The following LPAR1 variants were observed in gnomAD, a reference collection of about 807,000 sequenced individuals.
LPAR1 encodes lysophosphatidic acid receptor 1.
In LPAR1, 5 loss-of-function variants were observed where a neutral mutation model predicts 23.8. The observed-to-expected ratio is 0.21, with a 90% confidence interval of 0.11 to 0.44. LPAR1 has a LOEUF of 0.44. LPAR1 is among the 20% of genes least tolerant of loss of function. The pLI is 0.99. For synonymous variants in LPAR1, 160 were observed against 164.7 expected (o/e 0.97, Z 0.22); for missense variants, 311 against 482.8 (o/e 0.64, Z 3.33).
At chr9:110,888,331 A>C (rs2082977773) in intron 5 of LPAR1, among the ~76,000 whole-genome samples, 2 of 152,160 alleles carry the variant, frequency 1.3e-5, no homozygotes, top group Admixed American at 1.3e-4. Context: ...CAGAACTTAA[A>C]ATTCTTGCAA....
chr9:110,920,820 T>C (rs2093574549), intron 5 of LPAR1, among the ~76,000 whole-genome samples: 1 of 152,190 alleles, frequency 6.6e-6, no homozygotes, highest in African/African-American at 2.4e-5. Context: ...AAAGATATTG[T>C]AGTATATATA....
intron 2 of LPAR1, among the ~76,000 whole-genome samples, chr9:110,991,821 G>A (rs2096901002): frequency 6.6e-6 from 1 of 152,038 alleles, no homozygotes; most frequent in Non-Finnish European, 1.5e-5. Flanking sequence ...TCAAACTCCT[G>A]ACCTCAGGTG....
At chr9:110,949,260 TC>T (rs1278841338) in intron 4 of LPAR1, among the ~76,000 whole-genome samples, 1 of 151,958 alleles carries the variant, frequency 6.6e-6, no homozygotes, top group East Asian at 1.9e-4. Context: ...AAACTCATCT[TC>T]CAAAAGGAAA....
chr9:110,924,836 A>ATTT (rs1174026043), intron 5 of LPAR1, among the ~76,000 whole-genome samples: 2 of 152,152 alleles, frequency 1.3e-5, no homozygotes, highest in Non-Finnish European at 1.5e-5. Context: ...CCAACAAGAT[A>ATTT]GTCTCTCTCC....
chr9:111,004,889 G>C (rs746096673), intron 2 of LPAR1, among the ~76,000 whole-genome samples: 1 of 152,090 alleles, frequency 6.6e-6, no homozygotes, highest in South Asian at 2.1e-4. Context: ...GGTTGAGCAC[G>C]GTGGCTCATG....
intron 5 of LPAR1, among the ~76,000 whole-genome samples, chr9:110,878,008 C>T (rs79381381): frequency 1.4e-3 from 210 of 152,206 alleles, no homozygotes; most frequent in South Asian, 2.5e-3. Context: ...TGCAAGGAAC[C>T]CTGCTAGACT....
chr9:110,920,098 T>G (rs907827940), intron 5 of LPAR1, among the ~76,000 whole-genome samples: 1 of 152,190 alleles, frequency 6.6e-6, no homozygotes, highest in Non-Finnish European at 1.5e-5. Flanking sequence ...AGCTGAGACT[T>G]GATTCCATAA....
intron 5 of LPAR1, chr9:110,934,614 T>C (rs2094578970): frequency 6.6e-6 from 1 of 152,230 alleles, no homozygotes; most frequent in Admixed American, 6.5e-5. Context: ...CTCTACATGG[T>C]TGATCCACAG....
intron 5 of LPAR1, among the ~76,000 whole-genome samples, chr9:110,876,222 T>C (rs1432461259): frequency 6.6e-6 from 1 of 152,196 alleles, no homozygotes; most frequent in African/African-American, 2.4e-5. Flanking sequence ...TTTCCTTAAT[T>C]TTCCCATCTG....
intron 5 of LPAR1, among the ~76,000 whole-genome samples, chr9:110,878,376 G>C (rs2079714406): frequency 1.3e-5 from 2 of 152,074 alleles, no homozygotes; most frequent in Admixed American, 1.3e-4. Context: ...AAATTGTAAG[G>C]GATGAGGTTC....
At chr9:110,980,938 AAAGAT>A (rs2096653363) in intron 2 of LPAR1, among the ~76,000 whole-genome samples, 1 of 152,118 alleles carries the variant, frequency 6.6e-6, no homozygotes. Context: ...GAATATATTT[AAAGAT>A]AATATAGAGG....
intron 2 of LPAR1, among the ~76,000 whole-genome samples, chr9:111,026,566 G>A (rs926245484): frequency 2.6e-5 from 4 of 152,066 alleles, no homozygotes; most frequent in African/African-American, 7.2e-5. Context: ...ATACTATGTC[G>A]AATAGGAGTG....
chr9:110,918,687 G>A (rs1255316147), intron 5 of LPAR1, among the ~76,000 whole-genome samples: 1 of 152,184 alleles, frequency 6.6e-6, no homozygotes, highest in Non-Finnish European at 1.5e-5. Flanking sequence ...GAGACTCAGA[G>A]AAGAGTAATG....
chr9:110,934,594 C>T (rs1484858526), intron 5 of LPAR1: 1 of 152,088 alleles, frequency 6.6e-6, no homozygotes, highest in African/African-American at 2.4e-5. Context: ...TCAAGTTTTC[C>T]TCTAGAAAGC....
At chr9:110,979,999 T>C (rs2096635373) in intron 2 of LPAR1, among the ~76,000 whole-genome samples, 3 of 152,008 alleles carry the variant, frequency 2.0e-5, no homozygotes, top group Admixed American at 2.0e-4. Flanking sequence ...TTAGTTTAAA[T>C]AGAACAAAAA....
At chr9:111,013,353 A>G (rs1564340483) in intron 2 of LPAR1, among the ~76,000 whole-genome samples, 1 of 152,206 alleles carries the variant, frequency 6.6e-6, no homozygotes, top group Admixed American at 6.5e-5. Flanking sequence ...TGGTAAATGT[A>G]ATAACCATGA....
At chr9:110,986,434 G>T (rs1163232684) in intron 2 of LPAR1, among the ~76,000 whole-genome samples, 4 of 152,084 alleles carry the variant, frequency 2.6e-5, no homozygotes, top group African/African-American at 9.7e-5. Flanking sequence ...GCCAAGTATG[G>T]TGGCTCATGC....
At chr9:110,966,424 A>C (rs1456919905) in intron 4 of LPAR1, among the ~76,000 whole-genome samples, 2 of 151,252 alleles carry the variant, frequency 1.3e-5, no homozygotes, top group Non-Finnish European at 2.9e-5. Context: ...GGTTGTGGCG[A>C]GCCAAGATCA....
upstream of LPAR1, chr9:111,038,700 T>C (rs1477806613): frequency 4.4e-6 from 2 of 452,514 alleles, no homozygotes; most frequent in Non-Finnish European, 8.9e-6. The surrounding 1 kb of genome is among the most constrained non-coding windows in gnomAD (Gnocchi z 4.4). Flanking sequence ...CCTCCTCCAT[T>C]CATTGGCTCG....
Sources: gnomAD v4.1 joint callset for allele counts (sites outside exome capture counted in the v4.1 genomes callset) on GRCh38, gnomAD v4.1.1 for gene constraint, Gnocchi (gnomAD v3.1) non-coding constraint, MANE v1.5 for transcripts, NCBI Gene and HGNC (gene_info 2026-07-23, HGNC 2026-07-21) for gene names.